The following EML6 variants were observed in gnomAD, a reference collection of about 807,000 sequenced individuals.
The protein encoded by EML6 is echinoderm microtubule-associated protein-like 6.
Under a neutral mutation model 240.1 loss-of-function variants are expected in EML6, and 154 were observed. The ratio of observed to expected loss-of-function variants is 0.64; its 90% CI spans 0.56 to 0.73. The LOEUF is 0.73. EML6 is among the 30% of genes least tolerant of loss of function. The probability of loss-of-function intolerance (pLI) is 0.00; values close to 1 mark genes in which losing one functional copy is unlikely to be tolerated. For synonymous variants in EML6, 1,148 were observed against 899.0 expected, an observed-to-expected ratio of 1.28 and a Z score of -4.95; for missense variants, 2,964 against 2,474.6, an observed-to-expected ratio of 1.20 and a Z score of -4.20.
chr2:54,879,676 A>G (rs762949062), intron 17 of EML6, 36 bp downstream of exon 17: 1 of 1,234,806 alleles, frequency 8.1e-7, no homozygotes. Flanking sequence ...TATCCTGCTG[A>G]TACCACGGTT....
At chr2:54,884,832 T>C (rs1375651064) in intron 17 of EML6, among the ~76,000 whole-genome samples, 1 of 152,220 alleles carries the variant, frequency 6.6e-6, no homozygotes, top group African/African-American at 2.4e-5. Context: ...CTAGTCTCTC[T>C]AAAGTATATA....
chr2:54,743,460 A>T (rs1477671810), intron 2 of EML6, among the ~76,000 whole-genome samples: 1 of 152,250 alleles, frequency 6.6e-6, no homozygotes, highest in South Asian at 2.1e-4. Context: ...GACGTATTTT[A>T]TATATATGCA....
At position 54,964,679 on chromosome 2, in the gene EML6, T is replaced by C. The variant is rs956951664; in HGVS notation, c.5439T>C (p.Asp1813=). 2.6e-6 allele frequency: 4 copies of C among 1,552,148 alleles called. No individual in the cohort carries two copies. Among genetic ancestry groups the C allele is most frequent in the Non-Finnish European group, 3.5e-6 (4 of 1,147,110 alleles). ...TNLNRIGYCK[D]IPSFVIQMDF... The stretch of plus-strand genomic sequence containing the variant: ...TGAACCGCATTGGCTACTGCAAAGA[T>C]ATCCCAAGCTTTGTCATTCAGATGG... Residue 1813 remains aspartate (D), a synonymous_variant, in exon 38 of 42, where the codon GAT becomes GAC. Transcript: ENST00000356458.
At chr2:54,912,677 GC>G (rs1236184469) in intron 25 of EML6, among the ~76,000 whole-genome samples, 4 of 152,150 alleles carry the variant, frequency 2.6e-5, no homozygotes, top group Non-Finnish European at 5.9e-5. Context: ...TTCTGTTCCT[GC>G]GTTAATTCTC....
intron 21 of EML6, among the ~76,000 whole-genome samples, chr2:54,899,051 A>G (rs994971943): frequency 6.6e-6 from 1 of 152,222 alleles, no homozygotes; most frequent in Non-Finnish European, 1.5e-5. Context: ...CCAATTTGTG[A>G]ACAGACGCAG....
At chr2:54,801,872 C>G (rs1164552282) in intron 2 of EML6, among the ~76,000 whole-genome samples, 3 of 152,170 alleles carry the variant, frequency 2.0e-5, no homozygotes, top group Non-Finnish European at 4.4e-5. Flanking sequence ...GGATTTTAGT[C>G]TTCTGGATAA....
Position 54,853,724 on chromosome 2 carries a change from G to C in EML6, c.1526G>C (p.Ser509Thr). ...SWTCVKGPEVSGIWPKYTEVT... is the reference protein window; with the variant it reads ...SWTCVKGPEVTGIWPKYTEVT... ...ACATGCGTGAAAGGCCCTGAAGTGA[G>C]TGGAATTTGGCCCAAATACACTGAG... Residue 509 changes from serine (S) to threonine (T), a missense_variant, in exon 11 of 42, where the codon AGT (serine) becomes ACT (threonine). Transcript: ENST00000356458. 1.3e-6 allele frequency: 2 copies of C among 1,551,636 alleles called. No individual in the cohort carries two copies. Among genetic ancestry groups the C allele is most frequent in the South Asian group, 2.4e-5 (2 of 84,056 alleles).
In EML6 at chr2:54,837,400, G is replaced by A. The variant is rs941375271; in HGVS notation, c.848-6647G>A. Among the ~76,000 whole-genome samples, 8 of 152,122 alleles carry A rather than the reference G, an allele frequency of 5.3e-5. No homozygotes were observed. In the South Asian group the frequency reaches 6.2e-4, roughly 12 times the overall value. On this transcript the variant is annotated intron_variant, in intron 7 of 41. Transcript: ENST00000356458. The stretch of plus-strand genomic sequence containing the variant: ...GGTTCAGCACGTATTTACTAGCCCC[G>A]TTGAGGGCCTGGCGCTGTCCATGGG...
intron 18 of EML6, 32 bp from the exon 19 acceptor site, chr2:54,892,422 A>G (rs1384387525): frequency 6.8e-7 from 1 of 1,481,084 alleles, no homozygotes; most frequent in Non-Finnish European, 9.2e-7. Flanking sequence ...GCCAGATTTT[A>G]TAAAGTAATA....
intron 2 of EML6, among the ~76,000 whole-genome samples, chr2:54,789,463 G>A (rs1157691333): frequency 1.6e-5 from 2 of 126,116 alleles, no homozygotes; most frequent in Non-Finnish European, 3.2e-5. Context: ...GCAGTGAGCC[G>A]AGATTACGCC....
intron 2 of EML6, among the ~76,000 whole-genome samples, chr2:54,792,362 G>C (rs1214819105): frequency 6.6e-6 from 1 of 152,194 alleles, no homozygotes. Context: ...GGGGATGACT[G>C]TCAAAATGCT....
At chr2:54,773,145 T>A (rs573605001) in intron 2 of EML6, among the ~76,000 whole-genome samples, 193 of 152,370 alleles carry the variant, frequency 1.3e-3, no homozygotes, top group African/African-American at 4.4e-3. Context: ...GAGCTAACTG[T>A]CCAGCTAGAG....
At chr2:54,955,481 C>A (rs116420012) in intron 32 of EML6, among the ~76,000 whole-genome samples, 1 of 152,164 alleles carries the variant, frequency 6.6e-6, no homozygotes, top group Non-Finnish European at 1.5e-5. Flanking sequence ...AAAGCTCTTG[C>A]GTAAAGCCCC....
At position 54,959,330 on chromosome 2, in the gene EML6, T is replaced by G. The variant is rs918272238; in HGVS notation, c.4853+69T>G. 33 of 1,419,626 alleles carry G rather than the reference T, an allele frequency of 2.3e-5. No homozygotes were observed. The African/African-American group carries it at 4.3e-4, about 19-fold the overall frequency. 87.9% of individuals were successfully genotyped at this position (1,419,626 alleles called of 1,614,324 possible). On this transcript the variant is annotated intron_variant, in intron 34 of 41. Coordinates refer to ENST00000356458, the MANE Select transcript of EML6 (RefSeq NM_001039753.4). The stretch of plus-strand genomic sequence containing the variant: ...TCTTGGGAGAAACTGACAAAAGTGT[T>G]CCCAACTTGGAGAAAATGCAGACTG...
At chr2:54,926,059 T>G (rs914268523) in intron 26 of EML6, among the ~76,000 whole-genome samples, 2 of 152,190 alleles carry the variant, frequency 1.3e-5, no homozygotes, top group African/African-American at 4.8e-5. Flanking sequence ...TCTCAGGAAT[T>G]TCTTCCCTAC....
chr2:54,970,430 A>AC lies in EML6; in HGVS notation c.*337dup, dbSNP rs1200940316. 6.8e-6 allele frequency: 2 copies of AC among 292,882 alleles called. No homozygotes were observed. Among genetic ancestry groups the AC allele is most frequent in the African/African-American group, 4.2e-5 (2 of 47,652 alleles). The allele number at this position is 292,882 out of a possible 1,614,324, so 18.1% of individuals were successfully genotyped here. ...GAATTTTGAAGCCTCGGTTACCCTA[A>AC]CCAATATGTAGCTTTTAATTTGCAT... is the stretch of plus-strand genomic sequence containing the variant. On this transcript the variant is annotated 3_prime_UTR_variant, in exon 42 of 42. Coordinates refer to ENST00000356458, the MANE Select transcript of EML6 (RefSeq NM_001039753.4).
At chr2:54,847,731 T>C (rs1265321518) in intron 9 of EML6, 108 bp downstream of exon 9, 4 of 1,190,278 alleles carry the variant, frequency 3.4e-6, no homozygotes, top group Non-Finnish European at 4.7e-6. Flanking sequence ...CATTTAGCCA[T>C]TCAAATAGGA....
intron 22 of EML6, among the ~76,000 whole-genome samples, chr2:54,900,870 A>G (rs1673019489): frequency 6.6e-6 from 1 of 152,278 alleles, no homozygotes; most frequent in South Asian, 2.1e-4. Context: ...GAGGACATCT[A>G]CTGCTTGGAA....
intron 2 of EML6, among the ~76,000 whole-genome samples, chr2:54,742,494 C>T (rs1311178509): frequency 6.6e-6 from 1 of 152,194 alleles, no homozygotes; most frequent in Non-Finnish European, 1.5e-5. Context: ...TCTGTTTCCT[C>T]CTTGCCACTG....
Sources: allele counts gnomAD v4.1 joint callset (sites outside exome capture counted in the v4.1 genomes callset), GRCh38; gene constraint gnomAD v4.1.1; transcripts MANE v1.5; gene names NCBI Gene and HGNC (gene_info 2026-07-23, HGNC 2026-07-21).